The following DLC1 variants were observed in gnomAD, a reference collection of about 807,000 sequenced individuals.
DLC1 encodes the protein rho GTPase-activating protein 7.
In DLC1, 54 loss-of-function variants were observed where a neutral mutation model predicts 140.3. That is an observed-to-expected ratio of 0.38 (90% CI 0.31 to 0.48). DLC1 has a LOEUF of 0.48. Among genes scored for constraint, DLC1 ranks in the 20% least tolerant of loss-of-function variants. DLC1 has a pLI of 0.96. For synonymous variants in DLC1, 986 were observed against 728.1 expected (o/e 1.35, Z -5.70); for missense variants, 2,536 against 1,907.0 (o/e 1.33, Z -6.14).
Position 13,100,507 on chromosome 8 carries a change from G to T in DLC1, c.1830C>A (p.Ser610Arg), listed in dbSNP as rs773622309. Residue 610 changes from serine (S) to arginine (R), a missense_variant, in exon 9 of 18, where the codon AGC becomes AGA. Transcript: ENST00000276297. ...TAGTCCGGGGGGTGGCAGCATCCTC[G>T]CTGGGGGGCGCGTGGCTGGGGAGGC... The part of the protein sequence containing the change: ...TGSLPSHAPP[S>R]EDAATPRTNS... The T allele has an allele frequency of 2.9e-5, 46 of 1,612,296 alleles. No individual in the cohort carries two copies. The highest frequency in any genetic ancestry group is 5.0e-5 in the Admixed American group (3 of 59,996).
chr8:13,133,424 C>T (rs1822298414), intron 5 of DLC1: 3 of 564,616 alleles, frequency 5.3e-6, no homozygotes, highest in Non-Finnish European at 6.9e-6. Context: ...TCCGGCCCCG[C>T]CCCATTCCCA....
intron 5 of DLC1, among the ~76,000 whole-genome samples, chr8:13,211,475 G>T (rs950340650): frequency 6.6e-6 from 1 of 152,170 alleles, no homozygotes; most frequent in African/African-American, 2.4e-5. Context: ...ATTCTCTCCT[G>T]AGTGAAGCCA....
chr8:13,385,052 G>A (rs1198031867), intron 4 of DLC1, among the ~76,000 whole-genome samples: 1 of 152,162 alleles, frequency 6.6e-6, no homozygotes, highest in African/African-American at 2.4e-5. Flanking sequence ...ATAAAGCTCA[G>A]TCAGCTTGGC....
Position 13,579,357 on chromosome 8 carries a change from ATATATTTTTAT to A in DLC1, c.-126+25169_-126+25179del. On this transcript the variant is annotated intron_variant, in intron 1 of 1. Transcript: ENST00000631382. ...TATATATATATATATATATATATAT[ATATATTTTTAT>A]ATAATACATATTTATATATTATATA... 7.3e-5 allele frequency among the ~76,000 whole-genome samples: 2 copies of A among 27,566 alleles called. 1 individual carries two copies. The highest frequency in any genetic ancestry group is 1.2e-4 in the Non-Finnish European group (2 of 16,966). 18.1% of individuals were successfully genotyped at this position (27,566 alleles called of 152,430 possible).
intron 2 of DLC1, among the ~76,000 whole-genome samples, chr8:13,494,494 C>T (rs916225205): frequency 2.6e-4 from 40 of 152,020 alleles, no homozygotes; most frequent in Non-Finnish European, 5.3e-4. Flanking sequence ...GAGGAGGACT[C>T]GAGAGCAGAG....
At chr8:13,442,311 A>G (rs2116926488) in intron 2 of DLC1, among the ~76,000 whole-genome samples, 1 of 152,332 alleles carries the variant, frequency 6.6e-6, no homozygotes, top group East Asian at 1.9e-4. Flanking sequence ...CTTCATGTCT[A>G]AAACACCAAA....
chr8:13,346,172 T>C (rs1834326697), intron 4 of DLC1, among the ~76,000 whole-genome samples: 1 of 152,264 alleles, frequency 6.6e-6, no homozygotes, highest in South Asian at 2.1e-4. Flanking sequence ...TTAGATAGCC[T>C]TAACCTTGGT....
chr8:13,127,442 C>T (rs985616942), intron 5 of DLC1, among the ~76,000 whole-genome samples: 1 of 152,218 alleles, frequency 6.6e-6, no homozygotes. Context: ...ATGACTTTTA[C>T]AGATGTCCAA....
chr8:13,220,536 A>G (rs1563175853), intron 5 of DLC1, among the ~76,000 whole-genome samples: 1 of 152,168 alleles, frequency 6.6e-6, no homozygotes, highest in Non-Finnish European at 1.5e-5. Flanking sequence ...AAGTAAACAC[A>G]TCAAGTAGAA....
At chr8:13,162,570 G>A (rs918067414) in intron 5 of DLC1, among the ~76,000 whole-genome samples, 3 of 152,092 alleles carry the variant, frequency 2.0e-5, no homozygotes, top group East Asian at 1.9e-4. Flanking sequence ...CGATCTCCCC[G>A]CCTCAGCCTC....
intron 5 of DLC1, among the ~76,000 whole-genome samples, chr8:13,246,772 A>G (rs767552169): frequency 1.3e-5 from 2 of 152,094 alleles, no homozygotes; most frequent in African/African-American, 2.4e-5. Flanking sequence ...ATCTGGAGAT[A>G]GTCTACAGAG....
intron 4 of DLC1, among the ~76,000 whole-genome samples, chr8:13,379,393 C>T (rs150631597): frequency 1.5e-4 from 23 of 152,234 alleles, no homozygotes; most frequent in African/African-American, 5.1e-4. Context: ...ACTTAATACA[C>T]CTAACCTATT....
At position 13,585,922 on chromosome 8, in the gene DLC1, T is replaced by C. The variant is rs569196047; in HGVS notation, c.-126+18615A>G. On this transcript the variant is annotated intron_variant, in intron 1 of 1. Coordinates refer to the DLC1 transcript ENST00000631382. ...TGTATTAATTTTGGAGGGATATAAT[T>C]CAAACTGTAATAGAGAGGGAGGATA... Among the ~76,000 whole-genome samples the C allele has an allele frequency of 2.6e-5, 4 of 152,314 alleles. No individual in the cohort carries two copies. The South Asian group carries it at 8.3e-4, about 32-fold the overall frequency.
intron 12 of DLC1, among the ~76,000 whole-genome samples, chr8:13,093,121 C>T (rs560801320): frequency 2.7e-5 from 4 of 148,098 alleles, no homozygotes; most frequent in South Asian, 4.4e-4. Flanking sequence ...TTTTAGTTTA[C>T]AGAACAGTTT....
intron 1 of DLC1, among the ~76,000 whole-genome samples, chr8:13,533,380 A>G (rs1803165717): frequency 6.6e-6 from 1 of 152,206 alleles, no homozygotes; most frequent in Admixed American, 6.5e-5. Flanking sequence ...TTGAAGCCCC[A>G]GTCAACAACT....
upstream of DLC1, chr8:13,514,879 C>T: frequency 5.3e-6 from 2 of 377,674 alleles, no homozygotes; most frequent in Non-Finnish European, 9.4e-6. Context: ...GCCTCCACAA[C>T]CAGGCCCAGA....
intron 5 of DLC1, among the ~76,000 whole-genome samples, chr8:13,171,084 C>G (rs553637658): frequency 1.3e-5 from 2 of 152,170 alleles, no homozygotes; most frequent in African/African-American, 2.4e-5. Flanking sequence ...AACTAAATTG[C>G]TAAACTGATC....
intron 2 of DLC1, among the ~76,000 whole-genome samples, chr8:13,497,266 A>G (rs547888573): frequency 6.6e-6 from 1 of 152,170 alleles, no homozygotes; most frequent in Non-Finnish European, 1.5e-5. Flanking sequence ...GTATTTTAAC[A>G]CTCATCCAAT....
intron 1 of DLC1, among the ~76,000 whole-genome samples, chr8:13,530,477 A>C (rs3849000): frequency 0.99 from 150,205 of 152,268 alleles, 74,130 homozygotes; most frequent in East Asian, 1. Context: ...CTGAAGACAT[A>C]TCTGTGTTTC....
Sources: gnomAD v4.1 joint callset for allele counts (sites outside exome capture counted in the v4.1 genomes callset) on GRCh38, gnomAD v4.1.1 for gene constraint, MANE v1.5 for transcripts, NCBI Gene and HGNC (gene_info 2026-07-23, HGNC 2026-07-21) for gene names.